Variants in KAZN observed in about 807,000 individuals in gnomAD.
KAZN encodes the protein kazrin, periplakin interacting protein, also known as kazrin.
A neutral mutation model predicts 87.4 loss-of-function variants in KAZN; 40 were observed. That is an observed-to-expected ratio of 0.46 (90% CI 0.36 to 0.60). KAZN has a LOEUF of 0.60. Ranked by LOEUF, KAZN falls within the 20% of genes least tolerant of loss-of-function variation. The probability of loss-of-function intolerance (pLI) is 0.00; values close to 1 mark genes in which losing one functional copy is unlikely to be tolerated. For missense variants in KAZN, 898 were observed against 1,073.9 expected (o/e 0.84, Z 2.29); for synonymous variants, 466 against 458.3 (o/e 1.02, Z -0.22).
At position 14,345,797 on chromosome 1, in the gene KAZN, T is replaced by G. The variant is rs1167411192; in HGVS notation, c.249+165205T>G. On this transcript the variant is annotated intron_variant, in intron 2 of 16. Transcript: ENST00000636203. ...GACACTGCCAGTCCAGGGACCATCC[T>G]TTGAACACCACTGTGCTGGATAATA... Among the ~76,000 whole-genome samples the G allele has an allele frequency of 2.6e-5, 4 of 152,304 alleles. No homozygotes were observed. In the East Asian group the frequency reaches 7.7e-4, roughly 29 times the overall value.
intron 2 of KAZN, among the ~76,000 whole-genome samples, chr1:14,581,192 C>G (rs1675524391): frequency 6.6e-6 from 1 of 152,158 alleles, no homozygotes; most frequent in African/African-American, 2.4e-5. Context: ...GGATGTCTAA[C>G]ACGCATCTCA....
intron 1 of KAZN, among the ~76,000 whole-genome samples, chr1:14,763,962 T>G (rs12756501): frequency 0.4 from 60,621 of 151,764 alleles, 12,490 homozygotes; most frequent in Middle Eastern, 0.51. Flanking sequence ...TTGGCCAGGA[T>G]GGTGTCCAAC....
chr1:14,062,765 A>G (rs1302486860), intron 1 of KAZN, among the ~76,000 whole-genome samples: 2 of 152,050 alleles, frequency 1.3e-5, no homozygotes, highest in African/African-American at 4.8e-5. Context: ...GTACAAAGGA[A>G]CAGTTCAGGA....
rs1477735857 is a variant in KAZN, at chr1:15,104,061, T to C, written c.1920T>C (p.Gly640=). The part of the protein sequence containing the change: ...ADNLTNSGVH[G]AVLVLEPTFN... ...ACCTGACCAACAGCGGCGTCCATGGTGCTGTGCTGGTGCTGGAGCCCACAT... is the reference window on the plus strand; with the variant it reads ...ACCTGACCAACAGCGGCGTCCATGGCGCTGTGCTGGTGCTGGAGCCCACAT... Residue 640 remains glycine, a synonymous_variant, in exon 13 of 15, where the codon GGT becomes GGC. Coordinates refer to ENST00000376030, the MANE Select transcript of KAZN (RefSeq NM_201628.3). 6.8e-6 allele frequency: 11 copies of C among 1,613,636 alleles called. No individual in the cohort carries two copies. The highest frequency in any genetic ancestry group is 9.3e-6 in the Non-Finnish European group (11 of 1,179,846).
chr1:15,015,132 TTTTATTTATTTA>T (rs149046122), intron 2 of KAZN, among the ~76,000 whole-genome samples: 1,530 of 149,414 alleles, frequency 0.01, 32 homozygotes, highest in African/African-American at 0.035. Flanking sequence ...AGTTTTTTCT[TTTTATTTATTTA>T]TTTATTTATT....
chr1:14,862,146 TC>T (rs1481667127), intron 1 of KAZN, among the ~76,000 whole-genome samples: 1 of 152,184 alleles, frequency 6.6e-6, no homozygotes, highest in East Asian at 1.9e-4. Context: ...ACAGTCCCCC[TC>T]CTCTCAAGGA....
chr1:13,902,910 A>G (rs974452305), intron 1 of KAZN, among the ~76,000 whole-genome samples: 3 of 152,194 alleles, frequency 2.0e-5, no homozygotes, highest in South Asian at 2.1e-4. Context: ...ATAAAATGTA[A>G]TGGCTGTAGG....
intron 1 of KAZN, among the ~76,000 whole-genome samples, chr1:14,715,569 G>A (rs966431070): frequency 1.3e-5 from 2 of 152,158 alleles, no homozygotes; most frequent in African/African-American, 4.8e-5. Flanking sequence ...CTTGATGTTC[G>A]GGGGCTGGCA....
At chr1:15,078,354 G>A (rs1461708187) in intron 8 of KAZN, among the ~76,000 whole-genome samples, 1 of 152,012 alleles carries the variant, frequency 6.6e-6, no homozygotes, top group Non-Finnish European at 1.5e-5. Flanking sequence ...GCAGTGAGCC[G>A]AGATCGTGCC....
At chr1:14,685,755 A>G (rs2148772047) in intron 1 of KAZN, among the ~76,000 whole-genome samples, 1 of 152,386 alleles carries the variant, frequency 6.6e-6, no homozygotes, top group Non-Finnish European at 1.5e-5. Flanking sequence ...AGATGGTGGC[A>G]GAGGATAAGG....
At chr1:14,640,683 CA>C (rs1258315855) in intron 1 of KAZN, among the ~76,000 whole-genome samples, 2 of 152,214 alleles carry the variant, frequency 1.3e-5, no homozygotes, top group Non-Finnish European at 2.9e-5. Context: ...CTAGAAGGTG[CA>C]ACCTGGGCTC....
chr1:14,373,747 G>A (rs1660689265), intron 2 of KAZN, among the ~76,000 whole-genome samples: 1 of 152,174 alleles, frequency 6.6e-6, no homozygotes, highest in South Asian at 2.1e-4. Flanking sequence ...CTGGAGTGGT[G>A]TGTTCCTTCT....
intron 2 of KAZN, among the ~76,000 whole-genome samples, chr1:14,293,328 T>A (rs1405547252): frequency 2.6e-5 from 4 of 152,248 alleles, no homozygotes; most frequent in African/African-American, 9.6e-5. Flanking sequence ...AAATGACATG[T>A]CCGCATCTGG....
intron 2 of KAZN, among the ~76,000 whole-genome samples, chr1:14,242,424 T>C (rs1439944709): frequency 1.3e-5 from 2 of 152,070 alleles, no homozygotes; most frequent in Non-Finnish European, 2.9e-5. Flanking sequence ...GCAAATGTGC[T>C]CACCACTTCT....
At chr1:14,473,965 C>T (rs1668590022) in intron 2 of KAZN, among the ~76,000 whole-genome samples, 1 of 152,188 alleles carries the variant, frequency 6.6e-6, no homozygotes, top group African/African-American at 2.4e-5. Flanking sequence ...GCCCTGTTTC[C>T]ATCATTCCCG....
rs1650098064 is a variant in KAZN at position 14,856,321 on chromosome 1, T to C, written c.227-104363T>C. Among the ~76,000 whole-genome samples the C allele has an allele frequency of 6.6e-6, 1 of 152,204 alleles. No homozygotes were observed. Among genetic ancestry groups the C allele is most frequent in the Non-Finnish European group, 1.5e-5 (1 of 68,038 alleles). On this transcript the variant is annotated intron_variant, in intron 1 of 14. Coordinates refer to ENST00000376030, the MANE Select transcript of KAZN (RefSeq NM_201628.3). The surrounding 1 kb of genome is among the most constrained non-coding windows in gnomAD (Gnocchi z 5.2). ...TTATGGGTACCTATGCATTCATGCC[T>C]AAGTGTGAGCTTGAACTGTACCAAC... is the stretch of plus-strand genomic sequence containing the variant.
chr1:14,636,674 A>C (rs192180084), intron 1 of KAZN, among the ~76,000 whole-genome samples: 102 of 152,320 alleles, frequency 6.7e-4, no homozygotes, highest in South Asian at 1.9e-3. Flanking sequence ...TGAGGCCACA[A>C]AAGAAGTGAG....
At chr1:14,608,184 G>A (rs1308114599) in intron 1 of KAZN, among the ~76,000 whole-genome samples, 3 of 152,318 alleles carry the variant, frequency 2.0e-5, no homozygotes, top group East Asian at 1.9e-4. Context: ...CCAGTAGGAC[G>A]GTTTTGCTAT....
At chr1:14,568,546 C>T (rs138138154) in intron 2 of KAZN, among the ~76,000 whole-genome samples, 1,946 of 152,278 alleles carry the variant, frequency 0.013, 24 homozygotes, top group South Asian at 0.068. Context: ...CATCAGATCT[C>T]GTGAGACTTA....
Sources: gnomAD v4.1 joint callset for allele counts (sites outside exome capture counted in the v4.1 genomes callset) on GRCh38, gnomAD v4.1.1 for gene constraint, Gnocchi (gnomAD v3.1) non-coding constraint, MANE v1.5 for transcripts, NCBI Gene and HGNC (gene_info 2026-07-23, HGNC 2026-07-21) for gene names.